CLEC10A: variants seen among roughly 807,000 people sequenced by gnomAD.
CLEC10A encodes C-type lectin domain family 10 member A.
CLEC10A carries 38 observed loss-of-function variants against 42.0 expected under a neutral mutation model. That is an observed-to-expected ratio of 0.90 (90% CI 0.70 to 1.18). CLEC10A has a LOEUF of 1.18. CLEC10A is among the 50% of genes most tolerant of loss of function. CLEC10A has a pLI of 0.00. For synonymous variants in CLEC10A, 126 were observed against 139.9 expected (o/e 0.90, Z 0.70); for missense variants, 298 against 345.9 (o/e 0.86, Z 1.10).
At chr17:7,078,204 C>A in intron 2 of CLEC10A, 91 bp from the exon 3 acceptor site, 2 of 957,422 alleles carry the variant, frequency 2.1e-6, no homozygotes, top group Non-Finnish European at 3.2e-6. Context: ...GTGAGGAGGG[C>A]TGGGCACAGG....
chr17:7,075,689 A>G, intron 7 of CLEC10A, 42 bp downstream of exon 7: 1 of 1,613,656 alleles, frequency 6.2e-7, no homozygotes, highest in Non-Finnish European at 8.5e-7. Context: ...CCATTTCCCT[A>G]AATGGGACAT....
Position 7,079,319 on chromosome 17 carries a change from C to T in CLEC10A, c.-73-434G>A, listed in dbSNP as rs117291885. Reference sequence around the variant, plus strand: ...GGGGGGCGACAGGTGCGGTGGCTCACGCCTATAAATCCCAGCACTTTGGGA... The same window carrying T: ...GGGGGGCGACAGGTGCGGTGGCTCATGCCTATAAATCCCAGCACTTTGGGA... On this transcript the variant is annotated intron_variant, in intron 1 of 8. Coordinates refer to ENST00000416562, the MANE Select transcript of CLEC10A (RefSeq NM_001330070.2). 4.3e-4 allele frequency among the ~76,000 whole-genome samples: 66 copies of T among 152,186 alleles called. 1 individual carries two copies. In the East Asian group the frequency reaches 0.012, roughly 28 times the overall value.
chr17:7,078,102 G>A lies in CLEC10A; in HGVS notation c.79C>T (p.Leu27Phe). The change falls in exon 3 of 9, where the codon CTC (leucine) becomes TTC (phenylalanine). Residue 27 changes from leucine (L) to phenylalanine (F), a missense_variant. Around this residue, in one of 3 missense-constraint regions of CLEC10A, gnomAD observed 27 missense variants for 37.0 expected, o/e 0.73. Transcript: ENST00000416562. Reference protein sequence around the residue: ...VQGFKNGPLPLQSLLQRLCSG... With the variant: ...VQGFKNGPLPFQSLLQRLCSG... ...CAGAGACGCTGCAGGAGGGACTGGA[G>A]AGGAAGTGGCCCTGCAAGAGGAGAG... is the stretch of plus-strand genomic sequence containing the variant. 1 of 1,613,012 alleles carries A rather than the reference G, an allele frequency of 6.2e-7. No individual in the cohort carries two copies. The highest frequency in any genetic ancestry group is 8.5e-7 in the Non-Finnish European group (1 of 1,179,252).
intron 5 of CLEC10A, 56 bp downstream of exon 5, chr17:7,076,677 C>T (rs1483831375): frequency 3.2e-6 from 5 of 1,581,898 alleles, no homozygotes; most frequent in Non-Finnish European, 4.3e-6. Context: ...TCTGTTCCCA[C>T]CTCCACTGTG....
In CLEC10A at chr17:7,075,040, C is replaced by T; in HGVS notation, c.*14G>A. 6.5e-7 allele frequency: 1 copy of T among 1,530,614 alleles called. No homozygotes were observed. The highest frequency in any genetic ancestry group is 8.7e-7 in the Non-Finnish European group (1 of 1,143,840). The allele number at this position is 1,530,614 out of a possible 1,614,324, so 94.8% of individuals were successfully genotyped here. On this transcript the variant is annotated 3_prime_UTR_variant, in exon 9 of 9. Coordinates refer to ENST00000416562, the MANE Select transcript of CLEC10A (RefSeq NM_001330070.2). ...CCGCCATTTCTGTGGCCGGGTGGTCCCACCAAAGGCAGCTCAGTGACTCTC... is the reference window on the plus strand; with the variant it reads ...CCGCCATTTCTGTGGCCGGGTGGTCTCACCAAAGGCAGCTCAGTGACTCTC...
chr17:7,076,404 G>A (rs112098783), intron 5 of CLEC10A, among the ~76,000 whole-genome samples: 92 of 145,844 alleles, frequency 6.3e-4, no homozygotes, highest in African/African-American at 2.1e-3. Flanking sequence ...TCCGCCTCCC[G>A]TGTTCAAGCA....
At position 7,080,221 on chromosome 17, in the gene CLEC10A, C is replaced by T. The variant is rs1912095804; in HGVS notation, c.-243G>A. The T allele has an allele frequency of 6.6e-6, 1 of 152,296 alleles. No individual in the cohort carries two copies. The highest frequency in any genetic ancestry group is 1.9e-4 in the East Asian group (1 of 5,190). 9.4% of individuals were successfully genotyped at this position (152,296 alleles called of 1,614,324 possible). ...CCAGGAGCCCTATCATCTGGGACAT[C>T]CCATCTCCTCAACTTTAGACAGTAA... On this transcript the variant is annotated 5_prime_UTR_variant, in exon 1 of 9. Transcript: ENST00000416562.
chr17:7,078,566 C>T (rs772419580), intron 2 of CLEC10A, 180 bp downstream of exon 2: 4 of 638,338 alleles, frequency 6.3e-6, no homozygotes, highest in Non-Finnish European at 1.1e-5. Context: ...GTGATCCTCC[C>T]TGTCCCAGTC....
chr17:7,078,209 C>T (rs1480914148), intron 2 of CLEC10A, 96 bp from the exon 3 acceptor site: 1 of 865,872 alleles, frequency 1.2e-6, no homozygotes, highest in Non-Finnish European at 1.8e-6. Context: ...GAGGGCTGGG[C>T]ACAGGGGACT....
At chr17:7,078,531 C>T (rs936156719) in intron 2 of CLEC10A, 9 of 588,878 alleles carry the variant, frequency 1.5e-5, no homozygotes, top group Middle Eastern at 4.4e-4. Flanking sequence ...CCCCACCCCA[C>T]AGAGCATCAG....
intron 1 of CLEC10A, among the ~76,000 whole-genome samples, chr17:7,079,227 T>C (rs2151689305): frequency 6.6e-6 from 1 of 152,198 alleles, no homozygotes; most frequent in East Asian, 1.9e-4. Flanking sequence ...CGAGGTTCAA[T>C]TTTGGCTTTG....
chr17:7,077,002 G>T lies in CLEC10A; in HGVS notation c.185-15C>A. 1 of 1,572,626 alleles carries T rather than the reference G, an allele frequency of 6.4e-7. No individual in the cohort carries two copies. Among genetic ancestry groups the T allele is most frequent in the Non-Finnish European group, 8.8e-7 (1 of 1,142,524 alleles). Reference sequence around the variant, plus strand: ...AAATTTGGAATCTAAACAGGTGGATGGGAAGGTCAGTGCTGGGATTCATCA... The same window carrying T: ...AAATTTGGAATCTAAACAGGTGGATTGGAAGGTCAGTGCTGGGATTCATCA... On this transcript the variant is annotated splice_polypyrimidine_tract_variant and intron_variant, in intron 3 of 8. Transcript: ENST00000416562.
intron 3 of CLEC10A, 137 bp from the exon 4 acceptor site, chr17:7,077,124 A>G: frequency 1.5e-6 from 1 of 657,916 alleles, no homozygotes; most frequent in Non-Finnish European, 2.7e-6. Context: ...ATTGTTCAAT[A>G]TTGCCGATGA....
intron 1 of CLEC10A, among the ~76,000 whole-genome samples, chr17:7,079,455 C>T (rs962050984): frequency 2.6e-5 from 4 of 151,834 alleles, no homozygotes; most frequent in East Asian, 1.9e-4. Flanking sequence ...TGGTGGTGTG[C>T]GCCTGTAATC....
chr17:7,078,646 G>A (rs996129809), intron 2 of CLEC10A, 100 bp downstream of exon 2: 9 of 1,165,482 alleles, frequency 7.7e-6, no homozygotes, highest in African/African-American at 6.0e-5. Context: ...CTCAGAGTTA[G>A]GACCCACCAG....
chr17:7,076,220 C>G (rs998454053), intron 5 of CLEC10A, 149 bp from the exon 6 acceptor site: 1 of 1,461,218 alleles, frequency 6.8e-7, no homozygotes, highest in Non-Finnish European at 9.2e-7. Context: ...TGGCCAGGTA[C>G]AGCCATCAAA....
Position 7,075,772 on chromosome 17 carries a change from T to TCAGCTGG in CLEC10A, c.546_552dup (p.Lys185ProfsTer34), listed in dbSNP as rs753810962. The TCAGCTGG allele has an allele frequency of 3.8e-5, 62 of 1,614,192 alleles. No homozygotes were observed. The highest frequency in any genetic ancestry group is 3.7e-4 in the South Asian group (34 of 91,084). ...TTGATGACCACCAGGTGGGCGTTCT[T>TCAGCTGG]CAGCTGGCAGTACTTCTCAGCCTCG... On this transcript the variant is annotated frameshift_variant, in exon 7 of 9. Coordinates refer to ENST00000416562, the MANE Select transcript of CLEC10A (RefSeq NM_001330070.2). LOFTEE classifies it high-confidence loss of function.
chr17:7,075,240 C>T lies in CLEC10A; in HGVS notation c.702-18G>A. The T allele has an allele frequency of 6.6e-7, 1 of 1,521,922 alleles. No homozygotes were observed. 94.3% of individuals were successfully genotyped at this position (1,521,922 alleles called of 1,614,324 possible). A position where few individuals can be genotyped will look rare whatever the true frequency, so the allele number is the denominator to read the frequency against. On this transcript the variant is annotated intron_variant, in intron 8 of 8. Coordinates refer to ENST00000416562, the MANE Select transcript of CLEC10A (RefSeq NM_001330070.2). ...TCCAGTTCCTGAGAGGAAAAGACAA[C>T]AGCAAGCTAGGAAGGGTAGATGGAG...
intron 3 of CLEC10A, among the ~76,000 whole-genome samples, chr17:7,077,667 C>T (rs1208540092): frequency 8.5e-6 from 1 of 117,132 alleles, no homozygotes; most frequent in Non-Finnish European, 1.8e-5. Context: ...TCCGTCTGTG[C>T]CCCCACCACC....
Sources: gnomAD v4.1 joint callset for allele counts (sites outside exome capture counted in the v4.1 genomes callset) on GRCh38, gnomAD v4.1.1 for gene constraint, gnomAD v4.1.1 regional missense constraint, MANE v1.5 for transcripts, NCBI Gene and HGNC (gene_info 2026-07-23, HGNC 2026-07-21) for gene names.